The following PDE10A variants were observed in gnomAD, a reference collection of about 807,000 sequenced individuals.
PDE10A encodes cAMP and cAMP-inhibited cGMP 3',5'-cyclic phosphodiesterase 10A.
A neutral mutation model predicts 97.7 loss-of-function variants in PDE10A; 39 were observed. The observed-to-expected ratio is 0.40, with a 90% CI of 0.31 to 0.52. The LOEUF (loss-of-function observed/expected upper bound fraction) is 0.52. Among genes scored for constraint, PDE10A ranks in the 20% least tolerant of loss-of-function variants. PDE10A has a pLI of 0.56. For missense variants in PDE10A, 731 were observed against 1,047.8 expected (o/e 0.70, Z 4.17); for synonymous variants, 371 against 376.8 (o/e 0.98, Z 0.18).
intron 1 of PDE10A, among the ~76,000 whole-genome samples, chr6:165,822,719 A>T (rs1487115866): frequency 6.6e-6 from 1 of 152,220 alleles, no homozygotes. Context: ...AAGGCCTCGG[A>T]CATGGCGTGC....
intron 2 of PDE10A, among the ~76,000 whole-genome samples, chr6:165,510,782 A>G (rs571063026): frequency 6.6e-6 from 1 of 152,068 alleles, no homozygotes; most frequent in Admixed American, 6.6e-5. Context: ...GAATTTATCC[A>G]TTTCCTCTAG....
chr6:165,704,863 A>C (rs887562074), intron 1 of PDE10A, among the ~76,000 whole-genome samples: 8 of 152,174 alleles, frequency 5.3e-5, no homozygotes, highest in African/African-American at 9.7e-5. Flanking sequence ...CAAATAGCAA[A>C]CTGACTCCAT....
intron 1 of PDE10A, among the ~76,000 whole-genome samples, chr6:165,920,347 G>A (rs1163224363): frequency 1.3e-5 from 2 of 152,102 alleles, no homozygotes; most frequent in Non-Finnish European, 2.9e-5. Flanking sequence ...CTTCACTCAG[G>A]TGTTCTTGCC....
intron 2 of PDE10A, among the ~76,000 whole-genome samples, chr6:165,497,077 T>C (rs941753875): frequency 2.0e-5 from 3 of 152,074 alleles, no homozygotes; most frequent in Non-Finnish European, 2.9e-5. Context: ...TACATACTTG[T>C]GATATTTTTC....
At chr6:165,560,652 C>A (rs937938905) in intron 1 of PDE10A, among the ~76,000 whole-genome samples, 1 of 152,150 alleles carries the variant, frequency 6.6e-6, no homozygotes, top group African/African-American at 2.4e-5. Flanking sequence ...TAAAAAGAAA[C>A]GTATTTTCCA....
At chr6:165,433,828 A>G (rs1479023213) in intron 6 of PDE10A, among the ~76,000 whole-genome samples, 2 of 152,006 alleles carry the variant, frequency 1.3e-5, no homozygotes, top group Non-Finnish European at 2.9e-5. Context: ...ATCCTGGCTA[A>G]CACAGTGAAA....
intron 2 of PDE10A, among the ~76,000 whole-genome samples, chr6:165,484,155 G>A (rs1779762457): frequency 2.0e-5 from 3 of 152,172 alleles, no homozygotes; most frequent in African/African-American, 7.2e-5. Context: ...TCCTGTGTAA[G>A]GGAACATTGC....
intron 1 of PDE10A, among the ~76,000 whole-genome samples, chr6:165,983,971 A>C (rs1785099995): frequency 6.6e-6 from 1 of 152,250 alleles, no homozygotes; most frequent in African/African-American, 2.4e-5. Context: ...CCAGAAATGC[A>C]CAGATGTGCT....
Position 165,336,194 on chromosome 6 carries a change from G to A in PDE10A, c.2994C>T (p.Ala998=), listed in dbSNP as rs35370607. 3.8e-4 allele frequency: 609 copies of A among 1,613,730 alleles called. No individual in the cohort carries two copies. Among genetic ancestry groups the A allele is most frequent in the East Asian group, 1.2e-3 (52 of 44,842 alleles). ...VPQGQLGFYN[A]VAIPCYTTLT... is the part of the protein sequence containing the mutation. ...GGGTTGTATAGCAGGGAATGGCCAC[G>A]GCATTGTAGAACCCAAGCTGCCTCC... The change falls in exon 21 of 22, where the codon GCC becomes GCT. Residue 998 remains alanine (A), a synonymous_variant. Transcript: ENST00000539869.
At chr6:165,931,423 T>C (rs1783130610) in intron 1 of PDE10A, among the ~76,000 whole-genome samples, 1 of 152,256 alleles carries the variant, frequency 6.6e-6, no homozygotes. Flanking sequence ...GCAGAGTGAA[T>C]GGACCCTGAT....
upstream of PDE10A, among the ~76,000 whole-genome samples, chr6:165,667,415 G>A (rs951921663): frequency 2.6e-5 from 4 of 151,748 alleles, no homozygotes; most frequent in Non-Finnish European, 5.9e-5. Context: ...GTATTATCAC[G>A]TTATGTTTTA....
chr6:165,381,569 A>G (rs1003070315), intron 17 of PDE10A, among the ~76,000 whole-genome samples: 10 of 151,346 alleles, frequency 6.6e-5, no homozygotes, highest in African/African-American at 2.4e-4. Context: ...GATTCAAGCG[A>G]TTCTCCTGCC....
At chr6:165,769,882 A>G (rs1445478645) in intron 1 of PDE10A, among the ~76,000 whole-genome samples, 1 of 152,158 alleles carries the variant, frequency 6.6e-6, no homozygotes, top group Non-Finnish European at 1.5e-5. Flanking sequence ...TATACAATAT[A>G]ATATCTAAAG....
At chr6:165,895,101 T>C (rs1781908631) in intron 1 of PDE10A, among the ~76,000 whole-genome samples, 1 of 152,214 alleles carries the variant, frequency 6.6e-6, no homozygotes, top group South Asian at 2.1e-4. Flanking sequence ...TCCTACCTAA[T>C]ATCCACTGTC....
At chr6:165,956,746 T>G (rs542519432) in intron 1 of PDE10A, among the ~76,000 whole-genome samples, 1 of 152,244 alleles carries the variant, frequency 6.6e-6, no homozygotes, top group Non-Finnish European at 1.5e-5. Flanking sequence ...GTCTCTGACA[T>G]GTGGAGCACA....
At chr6:165,971,738 C>T (rs183399772) in intron 1 of PDE10A, among the ~76,000 whole-genome samples, 241 of 152,296 alleles carry the variant, frequency 1.6e-3, no homozygotes, top group Non-Finnish European at 2.9e-3. Context: ...GGATTGGAAG[C>T]GGTACTGCAA....
At chr6:165,517,047 C>A (rs930725087) in intron 2 of PDE10A, among the ~76,000 whole-genome samples, 1 of 152,068 alleles carries the variant, frequency 6.6e-6, no homozygotes, top group African/African-American at 2.4e-5. Context: ...CATTACAGTG[C>A]TTCTGAATTA....
intron 1 of PDE10A, among the ~76,000 whole-genome samples, chr6:165,686,214 C>T (rs556479998): frequency 6.6e-6 from 1 of 152,020 alleles, no homozygotes; most frequent in Admixed American, 6.5e-5. Context: ...TCCATGACAG[C>T]GCTCGCTACA....
intron 2 of PDE10A, among the ~76,000 whole-genome samples, chr6:165,486,690 T>C (rs1779943776): frequency 1.3e-5 from 2 of 152,196 alleles, no homozygotes; most frequent in African/African-American, 2.4e-5. Context: ...GCCAGAGTTT[T>C]GGAAACCACC....
Sources: allele counts gnomAD v4.1 joint callset (sites outside exome capture counted in the v4.1 genomes callset), GRCh38; gene constraint gnomAD v4.1.1; transcripts MANE v1.5; gene names NCBI Gene and HGNC (gene_info 2026-07-23, HGNC 2026-07-21).